Variants in MRPS25 observed in about 807,000 individuals in gnomAD.
MRPS25 encodes mitochondrial ribosomal protein S25.
Under a neutral mutation model 17.3 loss-of-function variants are expected in MRPS25, and 15 were observed. The observed-to-expected ratio is 0.87, with a 90% CI of 0.58 to 1.34. MRPS25 has a LOEUF of 1.34. Ranked by LOEUF, MRPS25 falls within the 40% of genes most tolerant of loss-of-function variation. MRPS25 has a pLI of 0.00. For missense variants in MRPS25, 225 were observed against 218.6 expected, an observed-to-expected ratio of 1.03 and a Z score of -0.19; for synonymous variants, 94 against 83.3, an observed-to-expected ratio of 1.13 and a Z score of -0.70.
downstream of MRPS25, chr3:15,042,616 A>AG (rs1486522685): frequency 2.3e-6 from 1 of 437,988 alleles, no homozygotes; most frequent in East Asian, 3.5e-5. Context: ...ACAAGAGTGA[A>AG]GGGAACACAT....
rs901661776 is a variant in MRPS25, at chr3:15,061,937, C to G, written c.135-2462G>C. 3.4e-5 allele frequency among the ~76,000 whole-genome samples: 5 copies of G among 146,802 alleles called. No individual in the cohort carries two copies. In the East Asian group the frequency reaches 1.0e-3, roughly 31 times the overall value. ...CTGAGAAGTGAGGAGCCCCTCCGCC[C>G]GGCAGCCGCCCCGTCTGAGAAGTGA... On this transcript the variant is annotated intron_variant, in intron 1 of 3. Coordinates refer to ENST00000253686, the MANE Select transcript of MRPS25 (RefSeq NM_022497.5).
chr3:15,042,417 C>T (rs11708243), downstream of MRPS25: 22,963 of 155,748 alleles, frequency 0.15, 2,012 homozygotes, highest in Non-Finnish European at 0.2. Context: ...GTTTTATAAT[C>T]TCCTTTTAAA....
rs75860679 is a variant in MRPS25, at chr3:15,050,534, T to C, written c.*1907A>G. 2.5e-3 allele frequency: 2,477 copies of C among 985,526 alleles called. 49 individuals are homozygous for C. In the African/African-American group the frequency reaches 0.038, roughly 15 times the overall value. 61.0% of individuals were successfully genotyped at this position (985,526 alleles called of 1,614,324 possible). A position where few individuals can be genotyped will look rare whatever the true frequency, so the allele number is the denominator to read the frequency against. On this transcript the variant is annotated 3_prime_UTR_variant, in exon 4 of 4. Transcript: ENST00000253686. ...GAACTAGGTGCTTTCTGAAGAGCCC[T>C]TGCAGCCAAGTAGAACGCCCAGGCA...
rs1432568657 is a variant in MRPS25 at position 15,048,649 on chromosome 3, T to C, written c.*3792A>G. ...GTATAATCAATTATTTTAATGACCA[T>C]AGCATTCATGGACTCAAATGCTGCT... On this transcript the variant is annotated 3_prime_UTR_variant, in exon 4 of 4. Coordinates refer to ENST00000253686, the MANE Select transcript of MRPS25 (RefSeq NM_022497.5). The C allele has an allele frequency of 6.5e-6, 1 of 152,692 alleles. No individual in the cohort carries two copies. The highest frequency in any genetic ancestry group is 6.5e-5 in the Admixed American group (1 of 15,288). The allele number at this position is 152,692 out of a possible 1,614,324, so 9.5% of individuals were successfully genotyped here. A position where few individuals can be genotyped will look rare whatever the true frequency, so the allele number is the denominator to read the frequency against.
At chr3:15,059,314 G>T in intron 2 of MRPS25, 55 bp downstream of exon 2, 1 of 1,221,386 alleles carries the variant, frequency 8.2e-7, no homozygotes, top group Non-Finnish European at 1.2e-6. Context: ...GAAGGACGCA[G>T]TCTCTCCAGG....
Position 15,052,632 on chromosome 3 carries a change from C to A in MRPS25, c.331G>T (p.Glu111Ter), listed in dbSNP as rs1352986492. Residue 111 changes from glutamate to a stop codon, truncating the protein, a stop_gained and splice_region_variant, in exon 4 of 4, where the codon GAA becomes TAA. Transcript: ENST00000253686. LOFTEE classifies it high-confidence loss of function. ...HIRKILGKNE[E>*]TLREEEEEKK... is the part of the protein sequence containing the mutation. ...TCCTCCTCCTCTTCCCTGAGGGTTT[C>A]CCTGCCAAAGAGCACAGACGGCAAC... 1 of 1,613,506 alleles carries A rather than the reference C, an allele frequency of 6.2e-7. No individual in the cohort carries two copies. Among genetic ancestry groups the A allele is most frequent in the South Asian group, 1.1e-5 (1 of 91,058 alleles).
Position 15,050,679 on chromosome 3 carries a change from C to T in MRPS25, c.*1762G>A, listed in dbSNP as rs2042590312. 1 of 985,356 alleles carries T rather than the reference C, an allele frequency of 1.0e-6. No individual in the cohort carries two copies. Among genetic ancestry groups the T allele is most frequent in the Middle Eastern group, 5.2e-4 (1 of 1,916 alleles). The allele number at this position is 985,356 out of a possible 1,614,324, so 61.0% of individuals were successfully genotyped here. Reference sequence around the variant, plus strand: ...AGCCAAAATGCTGATAGCAGAGAGACAAGATGCTAGATTTCAATTAAACAC... The same window carrying T: ...AGCCAAAATGCTGATAGCAGAGAGATAAGATGCTAGATTTCAATTAAACAC... On this transcript the variant is annotated 3_prime_UTR_variant, in exon 4 of 4. Coordinates refer to ENST00000253686, the MANE Select transcript of MRPS25 (RefSeq NM_022497.5).
downstream of MRPS25, chr3:15,048,510 A>C (rs533323460): frequency 1.4e-3 from 208 of 152,754 alleles, no homozygotes; most frequent in African/African-American, 4.8e-3. Context: ...ATACATGCAA[A>C]ATAGAAAAAA....
chr3:15,064,980 G>A, intron 1 of MRPS25, 81 bp downstream of exon 1: 2 of 1,513,026 alleles, frequency 1.3e-6, no homozygotes, highest in Non-Finnish European at 1.8e-6. Context: ...GCCGCCCAGA[G>A]CGACTCGGGA....
At chr3:15,055,901 GTTTT>G (rs35247740) in intron 2 of MRPS25, among the ~76,000 whole-genome samples, 2 of 142,538 alleles carry the variant, frequency 1.4e-5, no homozygotes, top group South Asian at 2.3e-4. Flanking sequence ...AAAGCAGCCC[GTTTT>G]TTTTTTTTTT....
At position 15,056,172 on chromosome 3, in the gene MRPS25, G is replaced by A. The variant is rs550831929; in HGVS notation, c.242-2705C>T. Reference sequence around the variant, plus strand: ...GGAGCTTGCAGTGAGCCGAGATCACGCCACTGCACTCCAGCCTGGGCGACA... The same window carrying A: ...GGAGCTTGCAGTGAGCCGAGATCACACCACTGCACTCCAGCCTGGGCGACA... On this transcript the variant is annotated intron_variant, in intron 2 of 3. Coordinates refer to ENST00000253686, the MANE Select transcript of MRPS25 (RefSeq NM_022497.5). Among the ~76,000 whole-genome samples the A allele has an allele frequency of 1.8e-4, 27 of 150,934 alleles. No individual in the cohort carries two copies. The South Asian group carries it at 4.4e-3, about 25-fold the overall frequency.
Position 15,053,484 on chromosome 3 carries a change from C to T in MRPS25, c.242-17G>A, listed in dbSNP as rs141621704. ...CCCCAGAATCTGGAAACGGAAAGCACGGGGCAGAAGAGAAACAGAACTCAC... is the reference window on the plus strand; with the variant it reads ...CCCCAGAATCTGGAAACGGAAAGCATGGGGCAGAAGAGAAACAGAACTCAC... On this transcript the variant is annotated splice_polypyrimidine_tract_variant and intron_variant, in intron 2 of 3. Transcript: ENST00000253686. 607 of 1,614,132 alleles carry T rather than the reference C, an allele frequency of 3.8e-4. 3 individuals carry two copies. The East Asian group carries it at 0.011, about 30-fold the overall frequency.
chr3:15,056,567 T>G (rs1009330566), intron 2 of MRPS25, among the ~76,000 whole-genome samples: 2 of 152,106 alleles, frequency 1.3e-5, no homozygotes, highest in Non-Finnish European at 2.9e-5. Context: ...GGTGGAAGGA[T>G]GGAGGGACAG....
intron 2 of MRPS25, among the ~76,000 whole-genome samples, chr3:15,057,898 T>C (rs2042693993): frequency 6.6e-6 from 1 of 152,230 alleles, no homozygotes; most frequent in Non-Finnish European, 1.5e-5. Flanking sequence ...TTCTCTTTTT[T>C]TTATTAGACA....
In MRPS25 at chr3:15,065,315, C is replaced by G; in HGVS notation, c.-121G>C. ...CCCCAGAGCCAGGTTCCACTTCCCG[C>G]GCAGACGCACAGGAGACGCTTCCCG... is the stretch of plus-strand genomic sequence containing the variant. On this transcript the variant is annotated 5_prime_UTR_variant, in exon 1 of 4. Transcript: ENST00000253686. 1 of 1,379,080 alleles carries G rather than the reference C, an allele frequency of 7.3e-7. No homozygotes were observed. The highest frequency in any genetic ancestry group is 9.5e-7 in the Non-Finnish European group (1 of 1,052,996). 85.4% of individuals were successfully genotyped at this position (1,379,080 alleles called of 1,614,324 possible).
chr3:15,044,254 T>C (rs1234206977), downstream of MRPS25: 1 of 152,174 alleles, frequency 6.6e-6, no homozygotes, highest in Admixed American at 6.5e-5. Flanking sequence ...AAAATGTGTA[T>C]AGACTCAGCA....
At position 15,052,316 on chromosome 3, in the gene MRPS25, T is replaced by C; in HGVS notation, c.*125A>G. 2 of 1,480,890 alleles carry C rather than the reference T, an allele frequency of 1.4e-6. No individual in the cohort carries two copies. Among genetic ancestry groups the C allele is most frequent in the Admixed American group, 2.5e-5 (1 of 40,096 alleles). 91.7% of individuals were successfully genotyped at this position (1,480,890 alleles called of 1,614,324 possible). A position where few individuals can be genotyped will look rare whatever the true frequency, so the allele number is the denominator to read the frequency against. Reference sequence around the variant, plus strand: ...TTTTACACAGGTGTGTAAAGTCCTTTTAATGCAAAAGGATTTCCAGAGTCT... The same window carrying C: ...TTTTACACAGGTGTGTAAAGTCCTTCTAATGCAAAAGGATTTCCAGAGTCT... On this transcript the variant is annotated 3_prime_UTR_variant, in exon 4 of 4. Coordinates refer to ENST00000253686, the MANE Select transcript of MRPS25 (RefSeq NM_022497.5).
downstream of MRPS25, chr3:15,044,879 A>G (rs1294786318): frequency 6.6e-6 from 1 of 152,264 alleles, no homozygotes; most frequent in Admixed American, 6.5e-5. Context: ...TAGTAGGGTA[A>G]GTGGGAACAG....
chr3:15,062,043 T>G (rs1287520937), intron 1 of MRPS25, among the ~76,000 whole-genome samples: 13 of 119,780 alleles, frequency 1.1e-4, no homozygotes, highest in African/African-American at 2.2e-4. Context: ...CGGGAGGGAG[T>G]TGGGGGTCAG....
Sources: gnomAD v4.1 joint callset for allele counts (sites outside exome capture counted in the v4.1 genomes callset) on GRCh38, gnomAD v4.1.1 for gene constraint, MANE v1.5 for transcripts, NCBI Gene and HGNC (gene_info 2026-07-23, HGNC 2026-07-21) for gene names.